Variants in AOPEP observed in about 807,000 individuals in gnomAD.
The protein encoded by AOPEP is aminopeptidase O.
Under a neutral mutation model 98.1 loss-of-function variants are expected in AOPEP, and 77 were observed. The observed-to-expected ratio is 0.78, with a 90% CI of 0.65 to 0.95. The LOEUF (loss-of-function observed/expected upper bound fraction) is 0.95, where lower values mean the gene tolerates loss of function less well. Ranked by LOEUF, AOPEP falls within the 40% of genes least tolerant of loss-of-function variation. AOPEP has a pLI of 0.00. For synonymous variants in AOPEP, 346 were observed against 365.3 expected, an observed-to-expected ratio of 0.95 and a Z score of 0.60; for missense variants, 1,024 against 1,024.7, an observed-to-expected ratio of 1.00 and a Z score of 0.01.
intron 2 of AOPEP, chr9:94,763,039 A>G (rs1416454224): frequency 7.8e-6 from 3 of 382,770 alleles, no homozygotes; most frequent in East Asian, 8.2e-5. Flanking sequence ...GTTTCTACAT[A>G]TTTGTTCCTG....
the AOPEP span, chr9:95,101,834 T>G: frequency 6.2e-7 from 1 of 1,614,014 alleles, no homozygotes; most frequent in African/African-American, 1.3e-5. Flanking sequence ...GTGAGTTATC[T>G]CAGCAGTGTG....
chr9:94,822,026 C>T (rs2134213502), intron 5 of AOPEP, among the ~76,000 whole-genome samples: 1 of 151,492 alleles, frequency 6.6e-6, no homozygotes, highest in East Asian at 1.9e-4. Context: ...GGCATTCAGC[C>T]TACTGACCCC....
rs1044922348 is a variant in AOPEP at position 94,807,903 on chromosome 9, A to G, written c.1364+6901A>G. 8.5e-5 allele frequency among the ~76,000 whole-genome samples: 13 copies of G among 152,240 alleles called. 1 individual carries two copies. The highest frequency in any genetic ancestry group is 3.1e-4 in the African/African-American group (13 of 41,470). ...TGTGTGAACAGCTCTGCTGGAGGGAATATTGCCAAGATGCAGCTGGAGCCC... is the reference window on the plus strand; with the variant it reads ...TGTGTGAACAGCTCTGCTGGAGGGAGTATTGCCAAGATGCAGCTGGAGCCC... On this transcript the variant is annotated intron_variant, in intron 5 of 16. Transcript: ENST00000375315.
chr9:94,883,444 C>T (rs1055159698), intron 5 of AOPEP, among the ~76,000 whole-genome samples: 4 of 152,114 alleles, frequency 2.6e-5, no homozygotes, highest in African/African-American at 4.8e-5. Flanking sequence ...TTGACTTTGC[C>T]AGTATGTTAA....
At chr9:94,955,022 G>T (rs1456681298) in intron 7 of AOPEP, among the ~76,000 whole-genome samples, 155 bp from the exon 8 acceptor site, 3 of 152,144 alleles carry the variant, frequency 2.0e-5, no homozygotes, top group South Asian at 2.1e-4. Context: ...CCGTAGACGA[G>T]TATGTAATAC....
At chr9:95,063,014 T>C (rs2067464446) in intron 14 of AOPEP, among the ~76,000 whole-genome samples, 1 of 152,196 alleles carries the variant, frequency 6.6e-6, no homozygotes, top group Non-Finnish European at 1.5e-5. Context: ...CTGCGCTCCT[T>C]GATGCTCCTT....
chr9:95,068,570 T>C (rs2068148574), intron 14 of AOPEP, among the ~76,000 whole-genome samples: 1 of 152,228 alleles, frequency 6.6e-6, no homozygotes, highest in African/African-American at 2.4e-5. Context: ...ACGAGTTCCT[T>C]CTCAAATACA....
chr9:94,822,037 G>A (rs1042669758), intron 5 of AOPEP, among the ~76,000 whole-genome samples: 4 of 150,000 alleles, frequency 2.7e-5, no homozygotes, highest in Non-Finnish European at 5.9e-5. Context: ...TACTGACCCC[G>A]CTCGTGGCTG....
intron 5 of AOPEP, among the ~76,000 whole-genome samples, chr9:94,891,548 C>A (rs2048882723): frequency 6.6e-6 from 1 of 151,898 alleles, no homozygotes; most frequent in Non-Finnish European, 1.5e-5. Context: ...GTGGTTCTTT[C>A]ATGCAATACC....
At chr9:94,991,040 C>T (rs1473987782) in intron 11 of AOPEP, among the ~76,000 whole-genome samples, 1 of 152,178 alleles carries the variant, frequency 6.6e-6, no homozygotes, top group Non-Finnish European at 1.5e-5. Flanking sequence ...AAGCATGACC[C>T]CTTGGCTGTT....
chr9:94,884,840 C>G (rs1392528835), intron 5 of AOPEP, among the ~76,000 whole-genome samples: 1 of 149,188 alleles, frequency 6.7e-6, no homozygotes, highest in Admixed American at 6.6e-5. Flanking sequence ...TGAAACCCGT[C>G]TCTATTAAAA....
intron 1 of AOPEP, among the ~76,000 whole-genome samples, chr9:94,737,111 A>AT (rs1491166500): frequency 5.7e-5 from 6 of 105,146 alleles, no homozygotes; most frequent in African/African-American, 1.3e-4. Flanking sequence ...AAACATGGAG[A>AT]TTTTTTTTAA....
chr9:95,097,981 C>T, the AOPEP span, among the ~76,000 whole-genome samples: 3 of 152,118 alleles, frequency 2.0e-5, no homozygotes, highest in Non-Finnish European at 4.4e-5. Flanking sequence ...AGCACCCGAG[C>T]CCCCGGGCTG....
At position 95,012,994 on chromosome 9, in the gene AOPEP, G is replaced by T. The variant is rs1267686749; in HGVS notation, c.2115+7378G>T. ...GTTTTCCTGTTTTTTTTTTGGGGGG[G>T]GGGGCAGGGCGATTATCTCTTATCT... On this transcript the variant is annotated intron_variant, in intron 13 of 16. Transcript: ENST00000375315. 1.0e-4 allele frequency among the ~76,000 whole-genome samples: 14 copies of T among 137,554 alleles called. 1 individual carries two copies. Among genetic ancestry groups the T allele is most frequent in the Non-Finnish European group, 1.6e-4 (10 of 63,360 alleles). 90.2% of individuals were successfully genotyped at this position (137,554 alleles called of 152,430 possible). A position where few individuals can be genotyped will look rare whatever the true frequency, so the allele number is the denominator to read the frequency against.
intron 2 of AOPEP, chr9:94,763,124 C>T (rs1446935750): frequency 4.3e-6 from 2 of 461,388 alleles, no homozygotes; most frequent in African/African-American, 2.0e-5. Context: ...TCTCATTTTA[C>T]AGGTAAGAAA....
At chr9:95,111,295 AC>A in the AOPEP span, 1 of 1,579,612 alleles carries the variant, frequency 6.3e-7, no homozygotes, top group Non-Finnish European at 8.5e-7. Context: ...AACGCCTCTG[AC>A]CACAAGGCTG....
chr9:94,787,823 T>C (rs1213729683), intron 3 of AOPEP, among the ~76,000 whole-genome samples: 2 of 152,164 alleles, frequency 1.3e-5, no homozygotes, highest in Non-Finnish European at 2.9e-5. Context: ...GTAATCTCTC[T>C]TCCTCCATTT....
intron 13 of AOPEP, among the ~76,000 whole-genome samples, chr9:95,051,517 A>G (rs990662126): frequency 6.6e-6 from 1 of 152,202 alleles, no homozygotes; most frequent in Non-Finnish European, 1.5e-5. Flanking sequence ...GTTTTTGCAC[A>G]TAAAGCAAAC....
the AOPEP span, among the ~76,000 whole-genome samples, chr9:95,096,310 T>C: frequency 2.6e-5 from 4 of 152,166 alleles, no homozygotes; most frequent in Non-Finnish European, 5.9e-5. Flanking sequence ...GAGGGCCAGC[T>C]TCCTGGCTCC....
Sources: gnomAD v4.1 joint callset for allele counts (sites outside exome capture counted in the v4.1 genomes callset) on GRCh38, gnomAD v4.1.1 for gene constraint, MANE v1.5 for transcripts, NCBI Gene and HGNC (gene_info 2026-07-23, HGNC 2026-07-21) for gene names.